GUCY1A2: variants seen among roughly 807,000 people sequenced by gnomAD.
The protein encoded by GUCY1A2 is guanylate cyclase 1 soluble subunit alpha 2.
In GUCY1A2, 27 loss-of-function variants were observed where a neutral mutation model predicts 63.5. The ratio of observed to expected loss-of-function variants is 0.43; its 90% CI spans 0.31 to 0.59. The LOEUF is 0.59. GUCY1A2 is among the 20% of genes least tolerant of loss of function. The pLI is 0.11. For synonymous variants in GUCY1A2, 364 were observed against 343.5 expected (o/e 1.06, Z -0.66); for missense variants, 768 against 913.3 (o/e 0.84, Z 2.05).
chr11:106,753,477 C>G (rs1863918619), intron 6 of GUCY1A2, among the ~76,000 whole-genome samples: 1 of 152,132 alleles, frequency 6.6e-6, no homozygotes, highest in African/African-American at 2.4e-5. Flanking sequence ...AGGTTTTCTT[C>G]TAGGGTTTTT....
chr11:106,706,375 G>A (rs1440845358), intron 7 of GUCY1A2, among the ~76,000 whole-genome samples: 1 of 152,056 alleles, frequency 6.6e-6, no homozygotes, highest in Non-Finnish European at 1.5e-5. Context: ...GGGGGGCCTG[G>A]GGGTGAAGGT....
chr11:106,888,519 G>T lies in GUCY1A2; in HGVS notation c.1206+50941C>A, dbSNP rs151112724. Among the ~76,000 whole-genome samples, 424 of 152,240 alleles carry T rather than the reference G, an allele frequency of 2.8e-3. 1 individual carries two copies. Among genetic ancestry groups the T allele is most frequent in the African/African-American group, 9.6e-3 (399 of 41,538 alleles). On this transcript the variant is annotated intron_variant, in intron 4 of 7. Coordinates refer to ENST00000526355, the MANE Select transcript of GUCY1A2 (RefSeq NM_000855.3). Reference sequence around the variant, plus strand: ...ATGAGCAAGCTATTTATTTCACAGGGTTTGAATGAGAAATTCATCATCACA... The same window carrying T: ...ATGAGCAAGCTATTTATTTCACAGGTTTTGAATGAGAAATTCATCATCACA...
chr11:106,746,021 C>G (rs1227326428), intron 6 of GUCY1A2, among the ~76,000 whole-genome samples: 1 of 152,026 alleles, frequency 6.6e-6, no homozygotes, highest in East Asian at 1.9e-4. Context: ...GCCCCACTAC[C>G]AGGACAAAAA....
chr11:107,013,535 G>A (rs2120217145), intron 1 of GUCY1A2, among the ~76,000 whole-genome samples: 1 of 152,258 alleles, frequency 6.6e-6, no homozygotes, highest in South Asian at 2.1e-4. Flanking sequence ...CAGGTCTTAA[G>A]GTCTTGAGGG....
chr11:106,842,264 T>C (rs1459277346), intron 4 of GUCY1A2, among the ~76,000 whole-genome samples: 1 of 151,922 alleles, frequency 6.6e-6, no homozygotes, highest in Non-Finnish European at 1.5e-5. Flanking sequence ...CCATTGCTAG[T>C]CCCTAGGGCT....
intron 3 of GUCY1A2, among the ~76,000 whole-genome samples, chr11:106,945,702 C>T (rs768541621): frequency 1.8e-4 from 27 of 152,202 alleles, no homozygotes; most frequent in Non-Finnish European, 2.8e-4. Flanking sequence ...CGGTGGCTTA[C>T]GCCTGTAATC....
intron 6 of GUCY1A2, among the ~76,000 whole-genome samples, chr11:106,766,427 T>C (rs1335748410): frequency 1.3e-5 from 2 of 152,110 alleles, no homozygotes; most frequent in African/African-American, 2.4e-5. Flanking sequence ...TATGTGTTTG[T>C]ATTGAATGTT....
intron 3 of GUCY1A2, among the ~76,000 whole-genome samples, chr11:106,954,639 A>G (rs919277511): frequency 6.6e-6 from 1 of 152,166 alleles, no homozygotes; most frequent in Non-Finnish European, 1.5e-5. Flanking sequence ...GTGGGAGTTT[A>G]AGTCTCTTTG....
At chr11:106,913,151 T>A (rs1444081617) in intron 4 of GUCY1A2, among the ~76,000 whole-genome samples, 1 of 151,798 alleles carries the variant, frequency 6.6e-6, no homozygotes, top group Non-Finnish European at 1.5e-5. Flanking sequence ...ATAAAAGCAA[T>A]CAAATATTTT....
chr11:106,905,681 A>G (rs1353920859), intron 4 of GUCY1A2, among the ~76,000 whole-genome samples: 3 of 152,086 alleles, frequency 2.0e-5, no homozygotes, highest in Non-Finnish European at 4.4e-5. Flanking sequence ...GGTCTAAACA[A>G]ATTAGAGCCA....
At chr11:106,999,436 T>C (rs1168043381) in intron 1 of GUCY1A2, among the ~76,000 whole-genome samples, 1 of 152,176 alleles carries the variant, frequency 6.6e-6, no homozygotes, top group Non-Finnish European at 1.5e-5. Context: ...AGCAAAACCA[T>C]AATAAACTTT....
Position 107,018,133 on chromosome 11 carries a change from G to T in GUCY1A2, c.-78C>A. On this transcript the variant is annotated 5_prime_UTR_variant, in exon 1 of 8. Coordinates refer to ENST00000526355, the MANE Select transcript of GUCY1A2 (RefSeq NM_000855.3). ...CGGCGGAGGCGGCGGTGGCGGGACC[G>T]GCAAGCGACAACGTTAAGCGCGTCG... 2 of 973,260 alleles carry T rather than the reference G, an allele frequency of 2.1e-6. No individual in the cohort carries two copies. The highest frequency in any genetic ancestry group is 1.7e-5 in the African/African-American group (1 of 58,024). 60.3% of individuals were successfully genotyped at this position (973,260 alleles called of 1,614,324 possible).
At chr11:106,700,743 C>T (rs1020681341) in intron 7 of GUCY1A2, among the ~76,000 whole-genome samples, 3 of 150,898 alleles carry the variant, frequency 2.0e-5, no homozygotes, top group East Asian at 3.9e-4. Flanking sequence ...CATGCCAGCC[C>T]GAATACTTTT....
chr11:106,992,784 T>C (rs1278210143), intron 1 of GUCY1A2, among the ~76,000 whole-genome samples: 2 of 152,196 alleles, frequency 1.3e-5, no homozygotes, highest in Admixed American at 1.3e-4. Flanking sequence ...AGAAAACCTA[T>C]AAGCAAAATC....
chr11:106,908,736 G>T (rs921667914), intron 4 of GUCY1A2, among the ~76,000 whole-genome samples: 2 of 151,974 alleles, frequency 1.3e-5, no homozygotes. Context: ...TGACCAAGAG[G>T]ATATAAATAG....
Position 106,687,301 on chromosome 11 carries a change from T to A in GUCY1A2, c.*248A>T. 2.3e-6 allele frequency: 1 copy of A among 430,060 alleles called. No individual in the cohort carries two copies. 26.6% of individuals were successfully genotyped at this position (430,060 alleles called of 1,614,324 possible). ...AGGGGACCCACACTTGTAATTAAAA[T>A]ATATGTGTATATATATGACCAAAAC... is the stretch of plus-strand genomic sequence containing the variant. On this transcript the variant is annotated 3_prime_UTR_variant, in exon 8 of 8. Coordinates refer to ENST00000526355, the MANE Select transcript of GUCY1A2 (RefSeq NM_000855.3).
At chr11:106,865,576 C>G (rs1859580591) in intron 4 of GUCY1A2, among the ~76,000 whole-genome samples, 1 of 151,936 alleles carries the variant, frequency 6.6e-6, no homozygotes, top group Non-Finnish European at 1.5e-5. Flanking sequence ...CGCATGTTCT[C>G]ACTCATAAGT....
chr11:106,873,834 G>A (rs564713545), intron 4 of GUCY1A2, among the ~76,000 whole-genome samples: 4 of 151,862 alleles, frequency 2.6e-5, no homozygotes, highest in Admixed American at 1.3e-4. Flanking sequence ...TTCTTAATAC[G>A]TTCTTCACCA....
intron 1 of GUCY1A2, among the ~76,000 whole-genome samples, chr11:107,014,638 A>T (rs559855642): frequency 6.6e-6 from 1 of 152,278 alleles, no homozygotes; most frequent in South Asian, 2.1e-4. Flanking sequence ...AGCATCAAAA[A>T]CCTGAGTGTG....
Sources: gnomAD v4.1 joint callset for allele counts (sites outside exome capture counted in the v4.1 genomes callset) on GRCh38, gnomAD v4.1.1 for gene constraint, MANE v1.5 for transcripts, NCBI Gene and HGNC (gene_info 2026-07-23, HGNC 2026-07-21) for gene names.